The following TMEM50B variants were observed in gnomAD, a reference collection of about 807,000 sequenced individuals.
TMEM50B encodes transmembrane protein 50B, also known as HCV p7-trans-regulated protein 3.
Under a neutral mutation model 23.4 loss-of-function variants are expected in TMEM50B, and 14 were observed. That is an observed-to-expected ratio of 0.60 (90% CI 0.39 to 0.93). The LOEUF (loss-of-function observed/expected upper bound fraction) is 0.93, where lower values mean the gene tolerates loss of function less well. Among genes scored for constraint, TMEM50B ranks in the 40% least tolerant of loss-of-function variants. The pLI is 0.00. For synonymous variants in TMEM50B, 64 were observed against 62.3 expected, an observed-to-expected ratio of 1.03 and a Z score of -0.13; for missense variants, 159 against 193.0, an observed-to-expected ratio of 0.82 and a Z score of 1.04.
chr21:33,452,338 G>A (rs1312888760), intron 6 of TMEM50B, among the ~76,000 whole-genome samples: 3 of 152,176 alleles, frequency 2.0e-5, no homozygotes, highest in Non-Finnish European at 2.9e-5. Flanking sequence ...GCCATGCAGC[G>A]TACAGACAGC....
At position 33,432,988 on chromosome 21, in the gene TMEM50B, C is replaced by T. The variant is rs1035633808; in HGVS notation, c.*2121-186G>A. 4.4e-5 allele frequency: 37 copies of T among 849,784 alleles called. 1 individual carries two copies. The highest frequency in any genetic ancestry group is 1.4e-4 in the African/African-American group (8 of 59,204). 52.6% of individuals were successfully genotyped at this position (849,784 alleles called of 1,614,324 possible). A position where few individuals can be genotyped will look rare whatever the true frequency, so the allele number is the denominator to read the frequency against. On this transcript the variant is annotated intron_variant and NMD_transcript_variant, in intron 8 of 8. Coordinates refer to the TMEM50B transcript ENST00000420455. Reference sequence around the variant, plus strand: ...GCAGCCTCCATCTCCCAGGTTCAAGCGATTCTCCTGCCTCAGCCTCCTGAG... The same window carrying T: ...GCAGCCTCCATCTCCCAGGTTCAAGTGATTCTCCTGCCTCAGCCTCCTGAG...
chr21:33,453,584 T>C (rs1601115654), intron 6 of TMEM50B, among the ~76,000 whole-genome samples: 4 of 152,064 alleles, frequency 2.6e-5, no homozygotes, highest in South Asian at 2.1e-4. Flanking sequence ...TCTAGATTTA[T>C]TGATGAACTA....
chr21:33,479,754 G>C, intron 1 of TMEM50B, 84 bp downstream of exon 1: 1 of 152,746 alleles, frequency 6.5e-6, no homozygotes, highest in Non-Finnish European at 1.5e-5. Flanking sequence ...GACAGGGCCC[G>C]ACGAGGGAGC....
Position 33,451,731 on chromosome 21 carries a change from CCTGGAAAGGGACATCTGTGACTCA to C in TMEM50B, c.432-892_432-869del, listed in dbSNP as rs977158877. On this transcript the variant is annotated intron_variant, in intron 6 of 6. Transcript: ENST00000542230. ...TAGGAATCTGGATATACGGTTTAGG[CCTGGAAAGGGACATCTGTGACTCA>C]CTGGCATATAAGCAATAATTGGAGT... Among the ~76,000 whole-genome samples, 18 of 152,128 alleles carry C rather than the reference CCTGGAAAGGGACATCTGTGACTCA, an allele frequency of 1.2e-4. No individual in the cohort carries two copies. In the East Asian group the frequency reaches 3.5e-3, roughly 29 times the overall value.
In TMEM50B at chr21:33,454,018, G is replaced by C. The variant is rs575905231; in HGVS notation, c.431+1709C>G. Among the ~76,000 whole-genome samples the C allele has an allele frequency of 2.7e-5, 4 of 148,080 alleles. 1 individual carries two copies. In the East Asian group the frequency reaches 8.2e-4, roughly 30 times the overall value. On this transcript the variant is annotated intron_variant, in intron 6 of 6. Transcript: ENST00000542230. ...ACTTGGGAGGCTGAGGCACGGAATT[G>C]CTTGAGCCTGGGAGGCAGAGGTTGC...
At chr21:33,466,803 T>C (rs1415948341) in intron 3 of TMEM50B, among the ~76,000 whole-genome samples, 1 of 152,030 alleles carries the variant, frequency 6.6e-6, no homozygotes, top group Non-Finnish European at 1.5e-5. Flanking sequence ...CACAAGATAA[T>C]TGTTATAGGT....
At chr21:33,472,374 T>G (rs1283005263) in intron 1 of TMEM50B, among the ~76,000 whole-genome samples, 1 of 151,414 alleles carries the variant, frequency 6.6e-6, no homozygotes, top group Non-Finnish European at 1.5e-5. Flanking sequence ...AGAGCAAGAT[T>G]CCATCTAAAA....
chr21:33,462,813 C>T (rs1420374543), intron 4 of TMEM50B, among the ~76,000 whole-genome samples: 2 of 152,170 alleles, frequency 1.3e-5, no homozygotes, highest in African/African-American at 4.8e-5. Flanking sequence ...TCCCTCATTC[C>T]TGACATTACT....
At chr21:33,442,439 G>A (rs992166238) in intron 7 of TMEM50B, among the ~76,000 whole-genome samples, 2 of 152,170 alleles carry the variant, frequency 1.3e-5, no homozygotes, top group Admixed American at 6.5e-5. Flanking sequence ...ACTCTGGTCA[G>A]GGCAACTTGC....
At chr21:33,440,402 A>C (rs1220517035) in intron 7 of TMEM50B, among the ~76,000 whole-genome samples, 1 of 152,074 alleles carries the variant, frequency 6.6e-6, no homozygotes, top group Non-Finnish European at 1.5e-5. Flanking sequence ...AGCCTGACCA[A>C]CATGGTGAAA....
chr21:33,476,983 G>A (rs567364222), intron 1 of TMEM50B, among the ~76,000 whole-genome samples: 4 of 151,812 alleles, frequency 2.6e-5, no homozygotes, highest in South Asian at 2.1e-4. Context: ...TCCAAACAAC[G>A]GTATACCATG....
downstream of TMEM50B, among the ~76,000 whole-genome samples, chr21:33,447,681 TACACACAC>T (rs764155101): frequency 0.048 from 6,401 of 132,104 alleles, 201 homozygotes; most frequent in African/African-American, 0.092. Flanking sequence ...TGTATAGAAA[TACACACAC>T]ACACACACAC....
At chr21:33,474,407 C>T (rs1222737035) in intron 1 of TMEM50B, among the ~76,000 whole-genome samples, 1 of 151,320 alleles carries the variant, frequency 6.6e-6, no homozygotes, top group East Asian at 2.0e-4. Context: ...TAATTCATCA[C>T]CAAACCTGCG....
Position 33,478,695 on chromosome 21 carries a change from T to G in TMEM50B, c.-42+1143A>C, listed in dbSNP as rs547719383. 6.6e-6 allele frequency: 3 copies of G among 457,092 alleles called. No individual in the cohort carries two copies. In the East Asian group the frequency reaches 2.1e-4, roughly 32 times the overall value. 28.3% of individuals were successfully genotyped at this position (457,092 alleles called of 1,614,324 possible). A position where few individuals can be genotyped will look rare whatever the true frequency, so the allele number is the denominator to read the frequency against. On this transcript the variant is annotated intron_variant, in intron 1 of 6. Coordinates refer to ENST00000542230, the MANE Select transcript of TMEM50B (RefSeq NM_006134.7). Reference sequence around the variant, plus strand: ...CCTGCTTTTCCAGCGCGATAAATATTCAAGATAACTTTTGGTTTGCATTTC... The same window carrying G: ...CCTGCTTTTCCAGCGCGATAAATATGCAAGATAACTTTTGGTTTGCATTTC...
intron 2 of TMEM50B, chr21:33,468,576 A>G: frequency 2.1e-6 from 1 of 467,610 alleles, no homozygotes; most frequent in Non-Finnish European, 3.8e-6. Context: ...ACTGAAGAAA[A>G]GATATTAAGT....
intron 8 of TMEM50B, among the ~76,000 whole-genome samples, chr21:33,433,335 A>G (rs547752966): frequency 5.6e-4 from 85 of 152,306 alleles, no homozygotes; most frequent in African/African-American, 2.0e-3. Flanking sequence ...GACACGATTC[A>G]CAACAGCCAA....
chr21:33,438,804 G>A (rs548836356), intron 8 of TMEM50B, among the ~76,000 whole-genome samples: 5 of 151,454 alleles, frequency 3.3e-5, no homozygotes, highest in South Asian at 2.1e-4. Flanking sequence ...ATCTCAGCTC[G>A]CTGCAACCTC....
At chr21:33,457,945 G>A (rs577029804) in intron 5 of TMEM50B, among the ~76,000 whole-genome samples, 36 of 151,962 alleles carry the variant, frequency 2.4e-4, no homozygotes, top group Admixed American at 1.4e-3. Flanking sequence ...AATCACAAAC[G>A]GCTAAGCTTT....
At chr21:33,445,069 G>A (rs1283268786), downstream of TMEM50B, among the ~76,000 whole-genome samples, 4 of 147,266 alleles carry the variant, frequency 2.7e-5, no homozygotes, top group Non-Finnish European at 3.0e-5. Context: ...GGGTGACAGA[G>A]TGAGACCCAG....
Sources: gnomAD v4.1 joint callset for allele counts (sites outside exome capture counted in the v4.1 genomes callset) on GRCh38, gnomAD v4.1.1 for gene constraint, MANE v1.5 for transcripts, NCBI Gene and HGNC (gene_info 2026-07-23, HGNC 2026-07-21) for gene names.